ROBO2: variants seen among roughly 807,000 people sequenced by gnomAD.
ROBO2 encodes the protein roundabout homolog 2.
In ROBO2, 53 loss-of-function variants were observed where a neutral mutation model predicts 160.8. The ratio of observed to expected loss-of-function variants is 0.33; its 90% CI spans 0.26 to 0.41. ROBO2 has a LOEUF of 0.41. ROBO2 is among the 10% of genes least tolerant of loss of function. The probability of loss-of-function intolerance (pLI) is 1.00; values close to 1 mark genes in which losing one functional copy is unlikely to be tolerated. For synonymous variants in ROBO2, 664 were observed against 611.7 expected (o/e 1.09, Z -1.26); for missense variants, 1,577 against 1,722.4 (o/e 0.92, Z 1.49).
intron 2 of ROBO2, among the ~76,000 whole-genome samples, chr3:76,307,663 T>A (rs571581243): frequency 6.4e-4 from 98 of 152,146 alleles, no homozygotes; most frequent in Admixed American, 2.1e-3. Context: ...CCAAGATCCA[T>A]GCGCCCGACT....
chr3:76,821,082 C>T (rs2066081284), intron 2 of ROBO2, among the ~76,000 whole-genome samples: 1 of 151,916 alleles, frequency 6.6e-6, no homozygotes, highest in Admixed American at 6.6e-5. Flanking sequence ...CATGTTCTAT[C>T]ATAATTTTTA....
chr3:76,305,254 A>C (rs2071277925), intron 2 of ROBO2, among the ~76,000 whole-genome samples: 1 of 151,664 alleles, frequency 6.6e-6, no homozygotes, highest in Non-Finnish European at 1.5e-5. Context: ...AGCCAGGTGC[A>C]GTTGTGAGTT....
At chr3:77,122,792 G>A (rs2074907381) in intron 2 of ROBO2, among the ~76,000 whole-genome samples, 1 of 152,150 alleles carries the variant, frequency 6.6e-6, no homozygotes, top group Non-Finnish European at 1.5e-5. Flanking sequence ...ATTCTGACAG[G>A]CCAATGACAT....
intron 2 of ROBO2, among the ~76,000 whole-genome samples, chr3:76,479,959 T>C (rs2079123828): frequency 1.3e-5 from 2 of 152,136 alleles, no homozygotes; most frequent in Admixed American, 1.3e-4. Context: ...TAATTAGTGA[T>C]TTGATGATAT....
chr3:75,972,703 A>G (rs1440439569), intron 2 of ROBO2, among the ~76,000 whole-genome samples: 1 of 151,604 alleles, frequency 6.6e-6, no homozygotes, highest in Admixed American at 6.6e-5. Context: ...TGAGACATAA[A>G]TTCTTGGACC....
chr3:77,451,415 T>C (rs979830498), intron 2 of ROBO2, among the ~76,000 whole-genome samples: 11 of 152,126 alleles, frequency 7.2e-5, no homozygotes, highest in Non-Finnish European at 1.5e-4. Flanking sequence ...CATATGCTTT[T>C]CACTATTTAG....
At chr3:76,446,902 A>C (rs2077210893) in intron 2 of ROBO2, among the ~76,000 whole-genome samples, 1 of 152,238 alleles carries the variant, frequency 6.6e-6, no homozygotes, top group Admixed American at 6.5e-5. Context: ...AAGGTGGATT[A>C]AAGACTTAAA....
At chr3:77,008,791 A>C (rs1292224081) in intron 2 of ROBO2, among the ~76,000 whole-genome samples, 1 of 152,132 alleles carries the variant, frequency 6.6e-6, no homozygotes, top group African/African-American at 2.4e-5. Context: ...TAGAATACAC[A>C]CTAAATGGAA....
intron 5 of ROBO2, among the ~76,000 whole-genome samples, chr3:77,500,107 CA>C (rs2087367126): frequency 6.6e-6 from 1 of 152,144 alleles, no homozygotes; most frequent in Non-Finnish European, 1.5e-5. Context: ...TCACATTTCA[CA>C]CATACTGTTT....
At chr3:77,291,224 C>T (rs2061194753) in intron 2 of ROBO2, among the ~76,000 whole-genome samples, 1 of 151,462 alleles carries the variant, frequency 6.6e-6, no homozygotes, top group Non-Finnish European at 1.5e-5. Context: ...GAGGCTAGAG[C>T]ACTAAAGACA....
rs371383914 is a variant in ROBO2, at chr3:77,019,748, A to G, written c.110-78266A>G. Among the ~76,000 whole-genome samples, 6 of 152,244 alleles carry G rather than the reference A, an allele frequency of 3.9e-5. No individual in the cohort carries two copies. The South Asian group carries it at 1.0e-3, about 26-fold the overall frequency. ...ACCCTTTCCTCTGCAAGTATTTGTA[A>G]CTAAGAAATTTGAAACCATTTGTTT... On this transcript the variant is annotated intron_variant, in intron 2 of 26. Transcript: ENST00000487694.
intron 2 of ROBO2, among the ~76,000 whole-genome samples, chr3:77,029,574 G>C (rs1213120969): frequency 6.6e-6 from 1 of 152,112 alleles, no homozygotes; most frequent in Non-Finnish European, 1.5e-5. Flanking sequence ...TTTTGCAAGA[G>C]AGATTTTATA....
rs559779399 is a variant in ROBO2, at chr3:75,971,731, A to G, written c.109+34129A>G. On this transcript the variant is annotated intron_variant, in intron 2 of 26. Transcript: ENST00000487694. ...GGCTACATGGCTAAATCAGAGGGCA[A>G]TACAGCATGTATACACCAATATATA... Among the ~76,000 whole-genome samples, 23 of 151,638 alleles carry G rather than the reference A, an allele frequency of 1.5e-4. No homozygotes were observed. In the South Asian group the frequency reaches 1.7e-3, roughly 11 times the overall value.
intron 5 of ROBO2, 116 bp from the exon 6 acceptor site, chr3:77,522,659 G>T (rs2090725020): frequency 4.1e-6 from 4 of 969,572 alleles, no homozygotes; most frequent in Admixed American, 2.1e-5. Flanking sequence ...ATTTGTGTGT[G>T]TGTGTATTTG....
chr3:77,002,843 G>C (rs2061398159), intron 2 of ROBO2, among the ~76,000 whole-genome samples: 1 of 151,990 alleles, frequency 6.6e-6, no homozygotes. Context: ...CTTAGTCTAT[G>C]TTCAGAATAC....
intron 2 of ROBO2, among the ~76,000 whole-genome samples, chr3:76,772,282 C>T (rs1239299952): frequency 6.6e-6 from 1 of 150,804 alleles, no homozygotes; most frequent in Non-Finnish European, 1.5e-5. Flanking sequence ...AGGAACTTTG[C>T]AGAAAAACAG....
At chr3:76,820,216 C>G (rs1283317821) in intron 2 of ROBO2, among the ~76,000 whole-genome samples, 11 of 152,078 alleles carry the variant, frequency 7.2e-5, no homozygotes, top group African/African-American at 2.7e-4. Flanking sequence ...CTCTGGCATT[C>G]TCAATCACTC....
intron 22 of ROBO2, among the ~76,000 whole-genome samples, chr3:77,618,850 G>C (rs965417838): frequency 6.6e-6 from 1 of 152,058 alleles, no homozygotes; most frequent in African/African-American, 2.4e-5. Flanking sequence ...ACCGTTAAAC[G>C]CTGTTATTTT....
intron 2 of ROBO2, among the ~76,000 whole-genome samples, chr3:76,943,878 C>T (rs1184356576): frequency 6.6e-6 from 1 of 152,134 alleles, no homozygotes; most frequent in Non-Finnish European, 1.5e-5. Flanking sequence ...GAAAGTATAA[C>T]CTCTAATTTA....
Sources: allele counts gnomAD v4.1 joint callset (sites outside exome capture counted in the v4.1 genomes callset), GRCh38; gene constraint gnomAD v4.1.1; transcripts MANE v1.5; gene names NCBI Gene and HGNC (gene_info 2026-07-23, HGNC 2026-07-21).